Variants in ADA2 observed in about 807,000 individuals in gnomAD.
ADA2 encodes the protein adenosine deaminase 2, also known as adenosine deaminase CECR1.
A neutral mutation model predicts 44.2 loss-of-function variants in ADA2; 29 were observed. That is an observed-to-expected ratio of 0.66 (90% CI 0.49 to 0.89). The LOEUF is 0.89. Ranked by LOEUF, ADA2 falls within the 40% of genes least tolerant of loss-of-function variation. The pLI is 0.00. For missense variants in ADA2, 637 were observed against 644.8 expected, an observed-to-expected ratio of 0.99 and a Z score of 0.13; for synonymous variants, 215 against 234.9, an observed-to-expected ratio of 0.92 and a Z score of 0.77.
chr22:17,207,012 C>T (rs1319205950), intron 3 of ADA2, 59 bp downstream of exon 3: 2 of 1,321,992 alleles, frequency 1.5e-6, no homozygotes, highest in Non-Finnish European at 2.2e-6. Context: ...AAGGGAGACA[C>T]CTACCCACTG....
rs536574479 is a variant in ADA2 at position 17,194,526 on chromosome 22, G to A, written c.754-2716C>T. On this transcript the variant is annotated intron_variant, in intron 4 of 9. Coordinates refer to ENST00000399837, the MANE Select transcript of ADA2 (RefSeq NM_001282225.2). Reference sequence around the variant, plus strand: ...CCCGCTGCCTGGGCAGGCGCAGTGGGGGAGCAGGCAGTGAGGCTCTCCACT... The same window carrying A: ...CCCGCTGCCTGGGCAGGCGCAGTGGAGGAGCAGGCAGTGAGGCTCTCCACT... Among the ~76,000 whole-genome samples the A allele has an allele frequency of 3.9e-5, 6 of 152,270 alleles. No individual in the cohort carries two copies. In the South Asian group the frequency reaches 8.3e-4, roughly 21 times the overall value.
Position 17,181,307 on chromosome 22 carries a change from C to G in ADA2, c.*176G>C. On this transcript the variant is annotated 3_prime_UTR_variant, in exon 10 of 10. Transcript: ENST00000399837. ...ACCAAGAGGGTCAATGTCACTGTGG[C>G]TGAGAGAGAATATTTCCAGAGGATG... 1 of 636,338 alleles carries G rather than the reference C, an allele frequency of 1.6e-6. No homozygotes were observed. 39.4% of individuals were successfully genotyped at this position (636,338 alleles called of 1,614,324 possible).
At chr22:17,191,345 A>G (rs1390977315) in intron 5 of ADA2, among the ~76,000 whole-genome samples, 1 of 152,244 alleles carries the variant, frequency 6.6e-6, no homozygotes, top group Non-Finnish European at 1.5e-5. Context: ...AAACGGGCCA[A>G]TTATCCAAAC....
At chr22:17,199,891 G>T in intron 4 of ADA2, 1 of 547,656 alleles carries the variant, frequency 1.8e-6, no homozygotes, top group Non-Finnish European at 2.8e-6. Context: ...ACCAGCCTGG[G>T]CAATATGGTA....
intron 4 of ADA2, chr22:17,193,187 C>G (rs1444426779): frequency 2.1e-5 from 28 of 1,341,110 alleles, no homozygotes; most frequent in Non-Finnish European, 2.9e-5. Flanking sequence ...CAACAATCTC[C>G]CTGTGCTGAC....
At chr22:17,195,577 C>T (rs1439534001) in intron 4 of ADA2, among the ~76,000 whole-genome samples, 1 of 151,786 alleles carries the variant, frequency 6.6e-6, no homozygotes, top group African/African-American at 2.4e-5. Flanking sequence ...TTTTATTTTG[C>T]AACAGTCTTG....
intron 3 of ADA2, among the ~76,000 whole-genome samples, 180 bp from the exon 4 acceptor site, chr22:17,203,953 C>T (rs2062323128): frequency 6.6e-6 from 1 of 152,176 alleles, no homozygotes. Flanking sequence ...AAGCATGGGT[C>T]CTGTGGCCAG....
Position 17,188,322 on chromosome 22 carries a change from G to A in ADA2, c.1081+17C>T, listed in dbSNP as rs368021522. ...TTGACCACCTCCGCTGCCTCTGCTC[G>A]CATCCCGCAGGCTCACCTGTTTCTC... is the stretch of plus-strand genomic sequence containing the variant. On this transcript the variant is annotated intron_variant, in intron 7 of 9. Coordinates refer to ENST00000399837, the MANE Select transcript of ADA2 (RefSeq NM_001282225.2). 8.9e-5 allele frequency: 141 copies of A among 1,588,762 alleles called. No homozygotes were observed. Among genetic ancestry groups the A allele is most frequent in the Admixed American group, 2.2e-4 (13 of 59,928 alleles).
rs527771455 is a variant in ADA2, at chr22:17,213,141, G to A, written c.-46-3418C>T. ...TGCAAATCAAAACTACAATGAGATC[G>A]TCTCACCCCATCTCAAAAAATGGCT... is the stretch of plus-strand genomic sequence containing the variant. On this transcript the variant is annotated intron_variant, in intron 1 of 9. Transcript: ENST00000399837. 8.6e-5 allele frequency among the ~76,000 whole-genome samples: 13 copies of A among 151,928 alleles called. No individual in the cohort carries two copies. In the East Asian group the frequency reaches 1.4e-3, roughly 16 times the overall value.
In ADA2 at chr22:17,214,534, G is replaced by A. The variant is rs189429271; in HGVS notation, c.-46-4811C>T. ...CTCCAGGATCAGATGGACTCCAGAG[G>A]ATAAGGAGCTAATGCCAGGGTGGCC... On this transcript the variant is annotated intron_variant, in intron 1 of 9. Transcript: ENST00000399837. Among the ~76,000 whole-genome samples the A allele has an allele frequency of 2.6e-5, 4 of 152,328 alleles. No homozygotes were observed. In the East Asian group the frequency reaches 7.7e-4, roughly 29 times the overall value.
intron 4 of ADA2, chr22:17,193,348 G>C (rs28514865): frequency 1.3e-5 from 1 of 74,886 alleles, no homozygotes; most frequent in Admixed American, 2.1e-4. Flanking sequence ...AAATAAAACC[G>C]TAAAAACTGC....
chr22:17,205,962 T>G (rs2062350115), intron 3 of ADA2, among the ~76,000 whole-genome samples: 1 of 152,236 alleles, frequency 6.6e-6, no homozygotes, highest in African/African-American at 2.4e-5. Context: ...ATTGTGCCAC[T>G]GCACTCCAGC....
chr22:17,183,456 C>CTTTT (rs1227906560), intron 7 of ADA2, among the ~76,000 whole-genome samples: 69 of 77,434 alleles, frequency 8.9e-4, no homozygotes, highest in Non-Finnish European at 1.2e-3. Context: ...TTGTGGCACT[C>CTTTT]TTTTTTTTTT....
intron 4 of ADA2, among the ~76,000 whole-genome samples, chr22:17,201,560 C>A (rs2062287924): frequency 6.6e-6 from 1 of 152,180 alleles, no homozygotes. Flanking sequence ...TACCAAAGGT[C>A]ACTTTCCCCA....
chr22:17,208,535 G>A (rs1392074175), intron 2 of ADA2, among the ~76,000 whole-genome samples: 2 of 151,962 alleles, frequency 1.3e-5, no homozygotes, highest in Non-Finnish European at 2.9e-5. Flanking sequence ...AGGTGCAGTG[G>A]CTCACACCTG....
chr22:17,218,245 A>C (rs894971235), intron 1 of ADA2, among the ~76,000 whole-genome samples: 2 of 152,244 alleles, frequency 1.3e-5, no homozygotes, highest in Non-Finnish European at 2.9e-5. Flanking sequence ...GATATGACAA[A>C]AATGGAAAGT....
At chr22:17,206,999 A>G in intron 3 of ADA2, 72 bp downstream of exon 3, 1 of 1,155,624 alleles carries the variant, frequency 8.7e-7, no homozygotes, top group Non-Finnish European at 1.3e-6. Context: ...ATAGGTTTGT[A>G]CCAAGGGAGA....
intron 4 of ADA2, chr22:17,199,677 G>A (rs2062249363): frequency 6.3e-7 from 1 of 1,597,252 alleles, no homozygotes; most frequent in Non-Finnish European, 8.5e-7. Context: ...CCAGCGCGGT[G>A]AGGAAAGCGA....
chr22:17,182,567 G>A (rs2061984649), intron 8 of ADA2, 37 bp downstream of exon 8: 2 of 1,606,118 alleles, frequency 1.2e-6, no homozygotes, highest in African/African-American at 1.3e-5. Context: ...GTGGTTAGGG[G>A]AGATCATATG....
Sources: gnomAD v4.1 joint callset for allele counts (sites outside exome capture counted in the v4.1 genomes callset) on GRCh38, gnomAD v4.1.1 for gene constraint, MANE v1.5 for transcripts, NCBI Gene and HGNC (gene_info 2026-07-23, HGNC 2026-07-21) for gene names.